SCNN1D: variants seen among roughly 807,000 people sequenced by gnomAD.
The protein encoded by SCNN1D is epithelial sodium channel subunit delta.
In SCNN1D, 104 loss-of-function variants were observed where a neutral mutation model predicts 87.8. The observed-to-expected ratio is 1.18, with a 90% CI of 1.01 to 1.39. The LOEUF (loss-of-function observed/expected upper bound fraction) is 1.39, where lower values mean the gene tolerates loss of function less well. Among genes scored for constraint, SCNN1D ranks in the 40% most tolerant of loss-of-function variants. SCNN1D has a pLI of 0.00. For missense variants in SCNN1D, 1,324 were observed against 1,093.9 expected (o/e 1.21, Z -2.97); for synonymous variants, 628 against 481.2 (o/e 1.31, Z -3.99).
chr1:1,290,017 G>C lies in SCNN1D; in HGVS notation c.1663-254G>C, dbSNP rs1458054625. On this transcript the variant is annotated intron_variant, in intron 12 of 17. Coordinates refer to ENST00000379116, the MANE Select transcript of SCNN1D (RefSeq NM_001130413.4). Reference sequence around the variant, plus strand: ...CTGCTCCGTCCCGTGTCCCTGCTCCGTCCCGTGTCTCTGCTCCGTCCCGTG... The same window carrying C: ...CTGCTCCGTCCCGTGTCCCTGCTCCCTCCCGTGTCTCTGCTCCGTCCCGTG... Among the ~76,000 whole-genome samples, 2 of 54,796 alleles carry C rather than the reference G, an allele frequency of 3.6e-5. 1 individual carries two copies. Among genetic ancestry groups the C allele is most frequent in the Admixed American group, 5.8e-4 (2 of 3,448 alleles). The allele number at this position is 54,796 out of a possible 152,430, so 35.9% of individuals were successfully genotyped here.
chr1:1,291,174 G>A (rs1640801627), intron 17 of SCNN1D, 34 bp downstream of exon 17: 1 of 1,604,042 alleles, frequency 6.2e-7, no homozygotes. Context: ...GCTAGAGCGG[G>A]GGCAGCGACA....
chr1:1,281,891 C>T (rs1456180408), intron 3 of SCNN1D: 1 of 567,886 alleles, frequency 1.8e-6, no homozygotes. Flanking sequence ...TGCCAGGCCA[C>T]TCCCGGGGAC....
intron 3 of SCNN1D, 30 bp downstream of exon 3, chr1:1,281,640 G>A: frequency 6.6e-7 from 1 of 1,525,086 alleles, no homozygotes; most frequent in Admixed American, 2.0e-5. Context: ...TAGAGGCCTT[G>A]CCCGGGAGGA....
chr1:1,291,214 G>A, intron 17 of SCNN1D, 40 bp from the exon 18 acceptor site: 2 of 1,575,002 alleles, frequency 1.3e-6, no homozygotes, highest in Non-Finnish European at 1.7e-6. Flanking sequence ...AGGGGCACGG[G>A]GGCCTGGGCC....
At chr1:1,286,416 T>C in intron 7 of SCNN1D, 138 bp downstream of exon 7, 1 of 748,138 alleles carries the variant, frequency 1.3e-6, no homozygotes, top group East Asian at 2.7e-5. Context: ...CTGGTCACTG[T>C]GACCTCCCAA....
At position 1,282,265 on chromosome 1, in the gene SCNN1D, T is replaced by C. The variant is rs1053990498; in HGVS notation, c.301T>C (p.Phe101Leu). The C allele has an allele frequency of 6.5e-7, 1 of 1,548,048 alleles. No individual in the cohort carries two copies. The highest frequency in any genetic ancestry group is 8.7e-7 in the Non-Finnish European group (1 of 1,144,982). Reference protein sequence around the residue: ...GTGLGDSSMAFLSRTSPVAAA... With the variant: ...GTGLGDSSMALLSRTSPVAAA... Reference sequence around the variant, plus strand: ...AGGCCTGGGTGACTCCAGCATGGCTTTCCTCTCCAGGACGTCACCGGTGGC... The same window carrying C: ...AGGCCTGGGTGACTCCAGCATGGCTCTCCTCTCCAGGACGTCACCGGTGGC... Residue 101 changes from phenylalanine (F) to leucine (L), a missense_variant, in exon 4 of 18, where the codon TTC becomes CTC. Coordinates refer to ENST00000379116, the MANE Select transcript of SCNN1D (RefSeq NM_001130413.4).
chr1:1,287,389 C>T, intron 9 of SCNN1D, 90 bp downstream of exon 9: 1 of 1,482,472 alleles, frequency 6.7e-7, no homozygotes, highest in Non-Finnish European at 9.0e-7. Flanking sequence ...ATGCTGGGAG[C>T]CACCCAAGGC....
chr1:1,290,975 A>G (rs1640791765), intron 16 of SCNN1D, 22 bp downstream of exon 16: 4 of 1,597,384 alleles, frequency 2.5e-6, no homozygotes, highest in Non-Finnish European at 3.4e-6. Context: ...CTCCCCCTCC[A>G]GAGAGGCATC....
intron 15 of SCNN1D, 28 bp downstream of exon 15, chr1:1,290,722 G>C (rs2273274): frequency 1.2e-6 from 2 of 1,611,456 alleles, no homozygotes; most frequent in African/African-American, 1.3e-5. Context: ...TGGGGTGGGG[G>C]TGTGGACAGC....
intron 12 of SCNN1D, among the ~76,000 whole-genome samples, 172 bp downstream of exon 12, chr1:1,288,209 CT>C (rs1640654882): frequency 6.8e-6 from 1 of 146,476 alleles, no homozygotes; most frequent in African/African-American, 2.5e-5. Context: ...TTCCCTGTGT[CT>C]CTGCTCCGTC....
intron 17 of SCNN1D, 36 bp downstream of exon 17, chr1:1,291,176 G>GGCCCTGCA: frequency 6.2e-7 from 1 of 1,601,800 alleles, no homozygotes; most frequent in Non-Finnish European, 8.5e-7. Flanking sequence ...TAGAGCGGGG[G>GGCCCTGCA]CAGCGACAGT....
chr1:1,290,847 G>A, intron 15 of SCNN1D, 48 bp from the exon 16 acceptor site: 2 of 1,600,750 alleles, frequency 1.2e-6, no homozygotes, highest in Non-Finnish European at 1.7e-6. Context: ...ACCCAGGATG[G>A]CCGGGGGCAT....
chr1:1,280,904 G>T (rs1325713195), intron 1 of SCNN1D: 16 of 582,354 alleles, frequency 2.7e-5, no homozygotes, highest in African/African-American at 3.7e-5. Flanking sequence ...GCAGCCGGGG[G>T]CACCTTGGTG....
chr1:1,287,732 GC>G lies in SCNN1D; in HGVS notation c.1461del (p.Gly488AlafsTer77), dbSNP rs1557583314. On this transcript the variant is annotated frameshift_variant, in exon 11 of 18. Coordinates refer to ENST00000379116, the MANE Select transcript of SCNN1D (RefSeq NM_001130413.4). LOFTEE classifies it high-confidence loss of function. ...QPHLPLLSTL[A>X]GIRVMVHGRN... ...TCACCTCCCTCTGCTGTCCACGCTG[GC>G]CGGCATCAGGGTCATGGTTCACGGC... 1 of 1,608,620 alleles carries G rather than the reference GC, an allele frequency of 6.2e-7. No individual in the cohort carries two copies. The highest frequency in any genetic ancestry group is 1.1e-5 in the South Asian group (1 of 90,460).
chr1:1,291,580 G>A lies in SCNN1D; in HGVS notation c.2379G>A (p.Gly793=), dbSNP rs773650803. 7.1e-6 allele frequency: 11 copies of A among 1,560,218 alleles called. No individual in the cohort carries two copies. The highest frequency in any genetic ancestry group is 1.2e-5 in the South Asian group (1 of 85,784). ...TCTCAGCCGAAGAGAGCTGGGCTGG[G>A]CCCCAGCCCCTTGAGACTCTGGACA... ...AGVSAEESWA[G]PQPLETLDT is the part of the protein sequence containing the mutation. Residue 793 remains glycine (G), a synonymous_variant, in exon 18 of 18, where the codon GGG becomes GGA. Coordinates refer to ENST00000379116, the MANE Select transcript of SCNN1D (RefSeq NM_001130413.4).
Position 1,286,020 on chromosome 1 carries a change from C to T in SCNN1D, c.653C>T (p.Ala218Val), listed in dbSNP as rs975552211. 3 of 1,565,666 alleles carry T rather than the reference C, an allele frequency of 1.9e-6. No homozygotes were observed. The highest frequency in any genetic ancestry group is 2.6e-6 in the Non-Finnish European group (3 of 1,155,078). Reference sequence around the variant, plus strand: ...CAGGAGGGGCTGGTGGAGCTGCCCGCCTCGTTCCGGGAGCTGCTCACCTTC... The same window carrying T: ...CAGGAGGGGCTGGTGGAGCTGCCCGTCTCGTTCCGGGAGCTGCTCACCTTC... ...GHQEGLVELP[A>V]SFRELLTFFC... is the part of the protein sequence containing the mutation. Residue 218 changes from alanine (A) to valine (V), a missense_variant, in exon 7 of 18, where the codon GCC becomes GTC. Physicochemically the swap from Ala to Val is moderately conservative, Grantham distance 64. Coordinates refer to ENST00000379116, the MANE Select transcript of SCNN1D (RefSeq NM_001130413.4).
intron 4 of SCNN1D, 75 bp from the exon 5 acceptor site, chr1:1,283,903 C>T: frequency 1.3e-6 from 1 of 746,608 alleles, no homozygotes; most frequent in Non-Finnish European, 2.0e-6. Context: ...GGGTCCGGGG[C>T]AGGTGTGGCT....
chr1:1,286,423 C>G (rs1640593039), intron 7 of SCNN1D, 145 bp downstream of exon 7: 1 of 727,336 alleles, frequency 1.4e-6, no homozygotes, highest in African/African-American at 1.8e-5. Context: ...CTGTGACCTC[C>G]CAAACCTCGG....
At chr1:1,287,420 A>AGACACAGGGCAGGCCATGGC in intron 9 of SCNN1D, 88 bp from the exon 10 acceptor site, 9 of 1,490,682 alleles carry the variant, frequency 6.0e-6, no homozygotes, top group Non-Finnish European at 8.1e-6. Flanking sequence ...AACTTTCCGC[A>AGACACAGGGCAGGCCATGGC]GACACAGGGC....
Sources: gnomAD v4.1 joint callset for allele counts (sites outside exome capture counted in the v4.1 genomes callset) on GRCh38, gnomAD v4.1.1 for gene constraint, MANE v1.5 for transcripts, NCBI Gene and HGNC (gene_info 2026-07-23, HGNC 2026-07-21) for gene names.